The following CACNA2D1 variants were observed in gnomAD, a reference collection of about 807,000 sequenced individuals.
CACNA2D1 encodes the protein voltage-dependent calcium channel subunit alpha-2/delta-1.
A neutral mutation model predicts 171.5 loss-of-function variants in CACNA2D1; 53 were observed. That is an observed-to-expected ratio of 0.31 (90% CI 0.25 to 0.39). The LOEUF (loss-of-function observed/expected upper bound fraction) is 0.39. Among genes scored for constraint, CACNA2D1 ranks in the 10% least tolerant of loss-of-function variants. The pLI, the probability that CACNA2D1 is intolerant of heterozygous loss-of-function variation, is 1.00. For missense variants in CACNA2D1, 903 were observed against 1,299.8 expected (o/e 0.69, Z 4.69); for synonymous variants, 442 against 443.1 (o/e 1.00, Z 0.03).
intron 32 of CACNA2D1, among the ~76,000 whole-genome samples, chr7:81,964,719 G>C (rs1794516938): frequency 6.6e-6 from 1 of 151,896 alleles, no homozygotes; most frequent in South Asian, 2.1e-4. Context: ...CATAAGCCTA[G>C]AGATTCAACA....
At chr7:82,155,162 A>G (rs553692751) in intron 4 of CACNA2D1, among the ~76,000 whole-genome samples, 1 of 152,212 alleles carries the variant, frequency 6.6e-6, no homozygotes, top group East Asian at 1.9e-4. Context: ...AACCAAACAG[A>G]TGTCAGCATT....
At position 82,263,320 on chromosome 7, in the gene CACNA2D1, C is replaced by T. The variant is rs371046137; in HGVS notation, c.294+71815G>A. ...GAGATGGGGTTTCACCATAATGGCC[C>T]GGCTGGTCTCGAACTCCTGACCTCA... On this transcript the variant is annotated intron_variant, in intron 3 of 38. Transcript: ENST00000356860. Among the ~76,000 whole-genome samples, 210 of 151,728 alleles carry T rather than the reference C, an allele frequency of 1.4e-3. 2 individuals carry two copies. Among genetic ancestry groups the T allele is most frequent in the South Asian group, 0.012 (58 of 4,788 alleles).
intron 2 of CACNA2D1, among the ~76,000 whole-genome samples, chr7:82,347,667 A>C (rs1444490247): frequency 6.6e-6 from 1 of 152,054 alleles, no homozygotes; most frequent in Non-Finnish European, 1.5e-5. Flanking sequence ...CTAGTACTTA[A>C]ATTCTATTTC....
intron 12 of CACNA2D1, among the ~76,000 whole-genome samples, chr7:82,026,398 T>G (rs1242966468): frequency 6.6e-6 from 1 of 151,758 alleles, no homozygotes; most frequent in Non-Finnish European, 1.5e-5. Context: ...TAAAGTTACA[T>G]GTGAACTTAT....
chr7:82,341,539 TTG>T (rs1398661220), intron 2 of CACNA2D1, among the ~76,000 whole-genome samples: 1 of 152,200 alleles, frequency 6.6e-6, no homozygotes, highest in African/African-American at 2.4e-5. Flanking sequence ...TTCCTTCCCT[TTG>T]ATTAAAATAA....
intron 23 of CACNA2D1, 57 bp downstream of exon 23, chr7:81,983,256 CA>C: frequency 3.6e-6 from 5 of 1,382,380 alleles, no homozygotes; most frequent in Non-Finnish European, 5.1e-6. Context: ...AGGAAAATAT[CA>C]GTGGAAATGT....
chr7:81,953,890 A>G (rs1035130574), intron 38 of CACNA2D1, among the ~76,000 whole-genome samples: 13 of 152,100 alleles, frequency 8.5e-5, no homozygotes, highest in African/African-American at 3.1e-4. Context: ...ATTTTTATAT[A>G]TAATTTTTGT....
chr7:82,229,466 T>C (rs1354772884), intron 3 of CACNA2D1, among the ~76,000 whole-genome samples: 8 of 152,080 alleles, frequency 5.3e-5, no homozygotes, highest in Admixed American at 2.6e-4. Context: ...CAGAGCTCGA[T>C]CACAGACTGC....
chr7:81,983,680 A>G (rs1348297855), intron 22 of CACNA2D1, among the ~76,000 whole-genome samples: 1 of 152,190 alleles, frequency 6.6e-6, no homozygotes, highest in Non-Finnish European at 1.5e-5. Flanking sequence ...TCATTTATCA[A>G]TTGAAGAACT....
chr7:82,338,912 G>A (rs1443744706), intron 2 of CACNA2D1, among the ~76,000 whole-genome samples: 2 of 152,158 alleles, frequency 1.3e-5, no homozygotes, highest in Admixed American at 1.3e-4. Flanking sequence ...CTGAGAGATG[G>A]AAAGTGGGAA....
In CACNA2D1 at chr7:82,090,193, C is replaced by T. The variant is rs140142550; in HGVS notation, c.527-5293G>A. ...ACAATACAATATTGTTAACTATCCT[C>T]GCCATGCTGTATATTAGATCTCCAG... is the stretch of plus-strand genomic sequence containing the variant. On this transcript the variant is annotated intron_variant, in intron 6 of 38. Coordinates refer to ENST00000356860, the MANE Select transcript of CACNA2D1 (RefSeq NM_000722.4). Among the ~76,000 whole-genome samples the T allele has an allele frequency of 2.8e-3, 419 of 152,178 alleles. 2 individuals carry two copies. Among genetic ancestry groups the T allele is most frequent in the African/African-American group, 8.9e-3 (370 of 41,532 alleles).
At chr7:82,262,078 T>C (rs1362562656) in intron 3 of CACNA2D1, among the ~76,000 whole-genome samples, 1 of 152,220 alleles carries the variant, frequency 6.6e-6, no homozygotes, top group African/African-American at 2.4e-5. Context: ...ACGCCTGTAA[T>C]CCCAGCACTT....
At chr7:82,343,403 C>T (rs1365088804) in intron 2 of CACNA2D1, among the ~76,000 whole-genome samples, 1 of 152,168 alleles carries the variant, frequency 6.6e-6, no homozygotes, top group Non-Finnish European at 1.5e-5. Flanking sequence ...GTGACAATCG[C>T]AAACAGGCCA....
At chr7:82,297,024 C>T (rs190206750) in intron 3 of CACNA2D1, among the ~76,000 whole-genome samples, 86 of 135,694 alleles carry the variant, frequency 6.3e-4, no homozygotes, top group Middle Eastern at 9.0e-3. Flanking sequence ...CGCTTAAGTC[C>T]AGGAGTTGGA....
At chr7:81,982,945 G>C (rs562798205) in intron 23 of CACNA2D1, among the ~76,000 whole-genome samples, 15 of 152,142 alleles carry the variant, frequency 9.9e-5, no homozygotes, top group African/African-American at 2.9e-4. Context: ...TGTTATACCA[G>C]AGGTATTTTA....
chr7:82,172,765 A>T (rs999515858), intron 3 of CACNA2D1, among the ~76,000 whole-genome samples: 1 of 149,682 alleles, frequency 6.7e-6, no homozygotes, highest in South Asian at 2.1e-4. Context: ...AAAATTTGCA[A>T]TGTAAATCTT....
At chr7:82,322,350 C>A (rs1816080971) in intron 3 of CACNA2D1, among the ~76,000 whole-genome samples, 1 of 149,720 alleles carries the variant, frequency 6.7e-6, no homozygotes, top group Non-Finnish European at 1.5e-5. Flanking sequence ...CATGGTGGCT[C>A]ACACCTATAA....
intron 38 of CACNA2D1, 57 bp downstream of exon 38, chr7:81,959,218 T>C (rs1793802950): frequency 8.2e-6 from 10 of 1,224,628 alleles, no homozygotes; most frequent in Non-Finnish European, 8.5e-6. Flanking sequence ...CCTTGAATTC[T>C]TGCGGACAGT....
intron 3 of CACNA2D1, among the ~76,000 whole-genome samples, chr7:82,309,589 A>G (rs1585431593): frequency 6.6e-6 from 1 of 152,294 alleles, no homozygotes; most frequent in South Asian, 2.1e-4. Context: ...TCTGTAATCT[A>G]AAGCTGTAAA....
Sources: gnomAD v4.1 joint callset for allele counts (sites outside exome capture counted in the v4.1 genomes callset) on GRCh38, gnomAD v4.1.1 for gene constraint, MANE v1.5 for transcripts, NCBI Gene and HGNC (gene_info 2026-07-23, HGNC 2026-07-21) for gene names.